ABCA13: variants seen among roughly 807,000 people sequenced by gnomAD.
ABCA13 encodes the protein ATP binding cassette subfamily A member 13, also known as ATP-binding cassette sub-family A member 13.
ABCA13 carries 476 observed loss-of-function variants against 478.7 expected under a neutral mutation model. The observed-to-expected ratio is 0.99, with a 90% CI of 0.92 to 1.07. ABCA13 has a LOEUF of 1.07. ABCA13 is among the 50% of genes least tolerant of loss of function. ABCA13 has a pLI of 0.00. For synonymous variants in ABCA13, 2,252 were observed against 2,158.9 expected, an observed-to-expected ratio of 1.04 and a Z score of -1.20; for missense variants, 6,060 against 5,910.6, an observed-to-expected ratio of 1.03 and a Z score of -0.83.
chr7:48,412,402 C>A lies in ABCA13; in HGVS notation c.12278C>A (p.Ser4093Tyr), dbSNP rs770001336. The change falls in exon 41 of 62, where the codon TCC becomes TAC. Residue 4093 changes from serine to tyrosine, a missense_variant. By Grantham distance (144) the Ser-to-Tyr change is moderately radical. Coordinates refer to ENST00000435803, the MANE Select transcript of ABCA13 (RefSeq NM_152701.5). ...HDLKDMACVT[S>Y]LIKIYIPQAF... ...CTGAAAGACATGGCTTGTGTTACATCCCTGATAAAGATCTATATTCCACAA... is the reference window on the plus strand; with the variant it reads ...CTGAAAGACATGGCTTGTGTTACATACCTGATAAAGATCTATATTCCACAA... 1 of 1,613,248 alleles carries A rather than the reference C, an allele frequency of 6.2e-7. No individual in the cohort carries two copies. Among genetic ancestry groups the A allele is most frequent in the Non-Finnish European group, 8.5e-7 (1 of 1,179,742 alleles).
intron 21 of ABCA13, 94 bp from the exon 22 acceptor site, chr7:48,297,138 C>A (rs1459845587): frequency 3.0e-6 from 3 of 1,005,730 alleles, no homozygotes; most frequent in Non-Finnish European, 4.5e-6. Context: ...GTTATCCAGT[C>A]CATCTCTTGG....
At chr7:48,478,436 C>T (rs1828388261) in intron 45 of ABCA13, among the ~76,000 whole-genome samples, 5 of 151,738 alleles carry the variant, frequency 3.3e-5, no homozygotes, top group Admixed American at 6.6e-5. Flanking sequence ...AAAAAATCAA[C>T]TCTAAAAGCA....
chr7:48,200,306 G>A (rs1584132850), intron 3 of ABCA13, among the ~76,000 whole-genome samples: 1 of 152,192 alleles, frequency 6.6e-6, no homozygotes. Context: ...GGGGGAAGTC[G>A]CAGTGAGCCA....
At chr7:48,174,038 A>G (rs2128847732) in intron 1 of ABCA13, among the ~76,000 whole-genome samples, 1 of 152,360 alleles carries the variant, frequency 6.6e-6, no homozygotes, top group East Asian at 1.9e-4. Context: ...ATGTTATTAC[A>G]GTGGAAATAT....
chr7:48,295,571 A>G (rs1376169652), intron 20 of ABCA13, 129 bp from the exon 21 acceptor site: 3 of 1,189,630 alleles, frequency 2.5e-6, no homozygotes, highest in African/African-American at 1.5e-5. Context: ...GGCTCTTTCT[A>G]CTACTCTGCA....
chr7:48,481,479 T>G (rs527440093), intron 46 of ABCA13, among the ~76,000 whole-genome samples: 1 of 152,326 alleles, frequency 6.6e-6, no homozygotes, highest in East Asian at 1.9e-4. Context: ...CTCTTTTAAG[T>G]GCTGGGGGAA....
rs56950269 is a variant in ABCA13 at position 48,356,387 on chromosome 7, C to CT, written c.10688+3914dup. ...TTCTTCTTCTTCTTTTGGAAGAAGT[C>CT]TTTTTTTTTTTTTTAAATATAAGAT... On this transcript the variant is annotated intron_variant, in intron 31 of 61. Transcript: ENST00000435803. 7.5e-3 allele frequency among the ~76,000 whole-genome samples: 1,037 copies of CT among 138,526 alleles called. 19 individuals are homozygous for CT. The highest frequency in any genetic ancestry group is 0.022 in the African/African-American group (830 of 37,436). The allele number at this position is 138,526 out of a possible 152,430, so 90.9% of individuals were successfully genotyped here.
chr7:48,196,706 C>T (rs752527729), intron 2 of ABCA13, among the ~76,000 whole-genome samples: 8 of 152,170 alleles, frequency 5.3e-5, no homozygotes, highest in Non-Finnish European at 1.0e-4. Flanking sequence ...TCCTCAGTCT[C>T]TGACCCACTG....
chr7:48,184,259 G>A (rs905464560), intron 1 of ABCA13, among the ~76,000 whole-genome samples: 8 of 152,114 alleles, frequency 5.3e-5, no homozygotes, highest in Admixed American at 4.6e-4. Flanking sequence ...TCTTTTGACT[G>A]TGTTCAATTC....
intron 55 of ABCA13, among the ~76,000 whole-genome samples, chr7:48,566,944 T>C (rs1328058624): frequency 1.3e-5 from 2 of 152,184 alleles, no homozygotes; most frequent in Non-Finnish European, 2.9e-5. Flanking sequence ...TCTACCGAAC[T>C]ACTTATAGTG....
At chr7:48,377,989 G>T (rs897908393) in intron 35 of ABCA13, among the ~76,000 whole-genome samples, 5 of 152,218 alleles carry the variant, frequency 3.3e-5, no homozygotes. Flanking sequence ...TCAACCATCA[G>T]CATCTAAGGC....
chr7:48,175,455 A>G (rs548953253), intron 1 of ABCA13, among the ~76,000 whole-genome samples: 1 of 152,152 alleles, frequency 6.6e-6, no homozygotes, highest in South Asian at 2.1e-4. Context: ...AGTTTTGCTC[A>G]TGTCACCCAG....
intron 6 of ABCA13, among the ~76,000 whole-genome samples, chr7:48,228,161 C>CATAAAA (rs1375605702): frequency 6.6e-6 from 1 of 152,144 alleles, no homozygotes; most frequent in Non-Finnish European, 1.5e-5. Context: ...TTCTATCTGC[C>CATAAAA]ATTGGTGAGA....
Position 48,625,925 on chromosome 7 carries a change from A to G in ABCA13, c.14837+10548A>G, listed in dbSNP as rs139271988. On this transcript the variant is annotated intron_variant, in intron 59 of 61. Coordinates refer to ENST00000435803, the MANE Select transcript of ABCA13 (RefSeq NM_152701.5). ...GAGTCCTGTTCATTCATACACATTT[A>G]TTGAGTAACCACTTAATTAGAGATG... Among the ~76,000 whole-genome samples, 770 of 152,302 alleles carry G rather than the reference A, an allele frequency of 5.1e-3. 3 individuals are homozygous for G. The highest frequency in any genetic ancestry group is 0.018 in the African/African-American group (732 of 41,556).
intron 11 of ABCA13, among the ~76,000 whole-genome samples, chr7:48,245,116 G>A (rs193002513): frequency 6.6e-6 from 1 of 152,300 alleles, no homozygotes; most frequent in Admixed American, 6.5e-5. Context: ...GTCCGGTAGG[G>A]AGAGTGTGTT....
chr7:48,627,829 A>C (rs535948632), intron 59 of ABCA13, among the ~76,000 whole-genome samples: 1 of 152,318 alleles, frequency 6.6e-6, no homozygotes, highest in Non-Finnish European at 1.5e-5. Flanking sequence ...ATATGAGTGC[A>C]AGCTAAAAGA....
chr7:48,240,781 A>G, intron 9 of ABCA13, 86 bp from the exon 10 acceptor site: 1 of 1,091,494 alleles, frequency 9.2e-7, no homozygotes, highest in Non-Finnish European at 1.2e-6. Context: ...TGTCATCTAG[A>G]GTGGTATGTT....
intron 31 of ABCA13, among the ~76,000 whole-genome samples, chr7:48,356,870 A>G (rs1810007016): frequency 6.6e-6 from 1 of 152,038 alleles, no homozygotes; most frequent in African/African-American, 2.4e-5. Flanking sequence ...TGCTTCAAAG[A>G]ATAAGCCAAC....
intron 59 of ABCA13, among the ~76,000 whole-genome samples, chr7:48,632,958 A>T (rs1046512181): frequency 6.6e-6 from 1 of 152,206 alleles, no homozygotes. Context: ...GTAAATGCTA[A>T]AACTGTAAAA....
Sources: gnomAD v4.1 joint callset for allele counts (sites outside exome capture counted in the v4.1 genomes callset) on GRCh38, gnomAD v4.1.1 for gene constraint, MANE v1.5 for transcripts, NCBI Gene and HGNC (gene_info 2026-07-23, HGNC 2026-07-21) for gene names.